The following STK33 variants were observed in gnomAD, a reference collection of about 807,000 sequenced individuals.
The protein encoded by STK33 is serine/threonine-protein kinase 33.
A neutral mutation model predicts 58.0 loss-of-function variants in STK33; 52 were observed. That is an observed-to-expected ratio of 0.90 (90% CI 0.72 to 1.13). The LOEUF is 1.13. Ranked by LOEUF, STK33 falls within the 50% of genes most tolerant of loss-of-function variation. The probability of loss-of-function intolerance (pLI) is 0.00; values close to 1 mark genes in which losing one functional copy is unlikely to be tolerated. For synonymous variants in STK33, 215 were observed against 200.1 expected (o/e 1.07, Z -0.63); for missense variants, 630 against 604.2 (o/e 1.04, Z -0.45).
At chr11:8,493,612 C>T (rs1036350254) in intron 1 of STK33, among the ~76,000 whole-genome samples, 3 of 152,164 alleles carry the variant, frequency 2.0e-5, no homozygotes, top group African/African-American at 7.2e-5. Context: ...CCAGCATCAT[C>T]CTGATACCAA....
chr11:8,368,657 G>A, the STK33 span, among the ~76,000 whole-genome samples: 2 of 152,360 alleles, frequency 1.3e-5, no homozygotes, highest in South Asian at 2.1e-4. Flanking sequence ...AGCCCTGCCC[G>A]AGTGGCAGGT....
At chr11:8,558,128 G>A (rs1956887175) in intron 1 of STK33, among the ~76,000 whole-genome samples, 1 of 152,206 alleles carries the variant, frequency 6.6e-6, no homozygotes, top group East Asian at 1.9e-4. Flanking sequence ...TTGGTACAAT[G>A]GATTACCTGC....
intron 1 of STK33, among the ~76,000 whole-genome samples, chr11:8,488,812 G>C (rs1406582477): frequency 6.6e-6 from 1 of 152,138 alleles, no homozygotes; most frequent in Non-Finnish European, 1.5e-5. Flanking sequence ...TGAGATATGG[G>C]AAAGAAAACA....
chr11:8,459,391 A>G (rs1947252005), intron 8 of STK33, among the ~76,000 whole-genome samples: 1 of 152,146 alleles, frequency 6.6e-6, no homozygotes, highest in Admixed American at 6.5e-5. Context: ...GGAAAGCAAT[A>G]CATTGGAAAA....
At chr11:8,471,288 G>GT (rs921676771) in intron 6 of STK33, among the ~76,000 whole-genome samples, 7 of 152,064 alleles carry the variant, frequency 4.6e-5, no homozygotes, top group Non-Finnish European at 1.0e-4. Flanking sequence ...TGGCCAACTA[G>GT]TTTTTTACAA....
intron 14 of STK33, among the ~76,000 whole-genome samples, chr11:8,426,159 G>A (rs1387304930): frequency 6.6e-6 from 1 of 152,164 alleles, no homozygotes; most frequent in Admixed American, 6.5e-5. Flanking sequence ...TTTATTGAGT[G>A]GAGGTTCTCA....
chr11:8,492,927 C>T (rs770868433), intron 1 of STK33, among the ~76,000 whole-genome samples: 2 of 152,154 alleles, frequency 1.3e-5, no homozygotes, highest in Non-Finnish European at 2.9e-5. Context: ...GTACCAGAAT[C>T]TCTGGGACAC....
chr11:8,524,982 A>C (rs1565273469), intron 1 of STK33, among the ~76,000 whole-genome samples: 1 of 152,234 alleles, frequency 6.6e-6, no homozygotes, highest in East Asian at 1.9e-4. Context: ...TACATATTAA[A>C]TATGTACAGC....
At chr11:8,363,616 G>A in the STK33 span, among the ~76,000 whole-genome samples, 1 of 152,216 alleles carries the variant, frequency 6.6e-6, no homozygotes, top group Non-Finnish European at 1.5e-5. Flanking sequence ...CTGTGCAGGT[G>A]CATGTACCAG....
intron 1 of STK33, among the ~76,000 whole-genome samples, chr11:8,507,959 C>G (rs1309841523): frequency 6.6e-6 from 1 of 152,122 alleles, no homozygotes; most frequent in Non-Finnish European, 1.5e-5. Flanking sequence ...GGCACGATCT[C>G]GGCTCACTGC....
At chr11:8,426,084 G>C (rs1394055808) in intron 14 of STK33, among the ~76,000 whole-genome samples, 1 of 152,200 alleles carries the variant, frequency 6.6e-6, no homozygotes, top group Non-Finnish European at 1.5e-5. Flanking sequence ...TGTATCCCAG[G>C]GTTTCTAGCC....
intron 12 of STK33, among the ~76,000 whole-genome samples, chr11:8,436,536 C>G (rs973618307): frequency 2.0e-5 from 3 of 152,032 alleles, no homozygotes; most frequent in African/African-American, 7.3e-5. Flanking sequence ...AAGGTAATAC[C>G]TTAAGGAACA....
intron 1 of STK33, among the ~76,000 whole-genome samples, chr11:8,532,893 A>G (rs148427441): frequency 3.3e-5 from 5 of 152,334 alleles, no homozygotes; most frequent in African/African-American, 1.2e-4. Flanking sequence ...AATATATCAG[A>G]TTTTGCTCCA....
intron 1 of STK33, among the ~76,000 whole-genome samples, chr11:8,512,605 T>G (rs1952428076): frequency 6.6e-6 from 1 of 152,096 alleles, no homozygotes; most frequent in South Asian, 2.1e-4. Context: ...TCATTTCTTA[T>G]GAGCTTCTTA....
chr11:8,531,128 C>CT (rs1224716703), intron 1 of STK33, among the ~76,000 whole-genome samples: 1 of 152,138 alleles, frequency 6.6e-6, no homozygotes, highest in Non-Finnish European at 1.5e-5. Flanking sequence ...ATTAATAAAA[C>CT]TTAAACATCT....
intron 15 of STK33, among the ~76,000 whole-genome samples, chr11:8,408,378 A>G (rs1939631048): frequency 6.6e-6 from 1 of 152,222 alleles, no homozygotes; most frequent in Non-Finnish European, 1.5e-5. Context: ...AGTGATTTAA[A>G]GGATTCACTA....
At chr11:8,460,449 A>T (rs1947374710) in intron 8 of STK33, among the ~76,000 whole-genome samples, 1 of 152,160 alleles carries the variant, frequency 6.6e-6, no homozygotes, top group African/African-American at 2.4e-5. Context: ...ACAATACTAC[A>T]CAGAGAGATT....
intron 5 of STK33, among the ~76,000 whole-genome samples, chr11:8,474,202 G>A (rs954359998): frequency 6.6e-6 from 1 of 151,426 alleles, no homozygotes; most frequent in East Asian, 1.9e-4. Context: ...TGAATACATC[G>A]AAATCAGTAC....
At chr11:8,533,388 G>C (rs981236878) in intron 1 of STK33, 4 of 152,234 alleles carry the variant, frequency 2.6e-5, no homozygotes, top group African/African-American at 4.8e-5. Context: ...TTTCCAGTGT[G>C]CGTAAGCAAC....
Sources: allele counts gnomAD v4.1 joint callset (sites outside exome capture counted in the v4.1 genomes callset), GRCh38; gene constraint gnomAD v4.1.1; transcripts MANE v1.5; gene names NCBI Gene and HGNC (gene_info 2026-07-23, HGNC 2026-07-21).